Variants in PCSK6 observed in about 807,000 individuals in gnomAD.
PCSK6 encodes the protein paired basic amino acid cleaving enzyme 4.
A neutral mutation model predicts 123.3 loss-of-function variants in PCSK6; 85 were observed. That is an observed-to-expected ratio of 0.69 (90% CI 0.58 to 0.83). PCSK6 has a LOEUF of 0.83. Among genes scored for constraint, PCSK6 ranks in the 40% least tolerant of loss-of-function variants. The pLI, the probability that PCSK6 is intolerant of heterozygous loss-of-function variation, is 0.00. For synonymous variants in PCSK6, 508 were observed against 516.0 expected, an observed-to-expected ratio of 0.98 and a Z score of 0.21; for missense variants, 1,191 against 1,282.3, an observed-to-expected ratio of 0.93 and a Z score of 1.09.
At chr15:101,407,492 C>A (rs979470673) in intron 6 of PCSK6, among the ~76,000 whole-genome samples, 6 of 152,048 alleles carry the variant, frequency 3.9e-5, no homozygotes, top group African/African-American at 1.4e-4. Flanking sequence ...TGCAAGCCAA[C>A]CAATCCAGAG....
chr15:101,484,812 C>T (rs922572329), intron 1 of PCSK6, among the ~76,000 whole-genome samples: 1 of 151,658 alleles, frequency 6.6e-6, no homozygotes, highest in Non-Finnish European at 1.5e-5. Context: ...CTGGTTTATT[C>T]ATTTCTAACC....
intron 1 of PCSK6, among the ~76,000 whole-genome samples, chr15:101,477,511 A>G (rs537422311): frequency 6.6e-6 from 1 of 152,362 alleles, no homozygotes; most frequent in African/African-American, 2.4e-5. Flanking sequence ...GCACGCACAC[A>G]CTCAGACACA....
chr15:101,306,886 C>T (rs2624981), intron 21 of PCSK6, among the ~76,000 whole-genome samples: 19,275 of 152,158 alleles, frequency 0.13, 1,303 homozygotes, highest in South Asian at 0.18. Flanking sequence ...TATGGTATGT[C>T]GTCACATCCG....
chr15:101,398,531 T>C lies in PCSK6; in HGVS notation c.869A>G (p.Lys290Arg). The change falls in exon 7 of 22, where the codon AAG becomes AGG. Residue 290 changes from lysine (K) to arginine (R), a missense_variant. Lys to Arg is a conservative substitution (Grantham distance 26, BLOSUM62 2). Around this residue, in one of 3 missense-constraint regions of PCSK6, gnomAD observed 357 missense variants for 484.5 expected, o/e 0.74. Coordinates refer to ENST00000611716, the MANE Select transcript of PCSK6 (RefSeq NM_002570.5). This position sits in a 1 kb window ranked among gnomAD's most constrained non-coding sequence, Gnocchi z 4.6. ...GTAGTTGGGTCTGATGCCCAGCGAC[T>C]TTGCCTCGACCACATCTGTGACATC... is the stretch of plus-strand genomic sequence containing the variant. ...DGDVTDVVEA[K>R]SLGIRPNYID... 6 of 1,613,756 alleles carry C rather than the reference T, an allele frequency of 3.7e-6. No homozygotes were observed. The highest frequency in any genetic ancestry group is 4.2e-6 in the Non-Finnish European group (5 of 1,179,762).
At chr15:101,441,966 C>T (rs2056766001) in intron 2 of PCSK6, among the ~76,000 whole-genome samples, 1 of 152,194 alleles carries the variant, frequency 6.6e-6, no homozygotes, top group African/African-American at 2.4e-5. Context: ...GAACTCACGC[C>T]TCCTCCGGGA....
At chr15:101,319,763 C>T (rs1254092913) in intron 18 of PCSK6, among the ~76,000 whole-genome samples, 2 of 152,188 alleles carry the variant, frequency 1.3e-5, no homozygotes, top group East Asian at 3.8e-4. Flanking sequence ...GGAGGGTAGC[C>T]CAGCCCAGCC....
intron 12 of PCSK6, among the ~76,000 whole-genome samples, chr15:101,367,570 G>A (rs1596242276): frequency 6.6e-6 from 1 of 152,348 alleles, no homozygotes. Context: ...ATGCCAAGCT[G>A]AACCCAACAC....
intron 1 of PCSK6, among the ~76,000 whole-genome samples, chr15:101,484,855 A>AT (rs1218848664): frequency 1.3e-5 from 2 of 151,898 alleles, no homozygotes; most frequent in Admixed American, 1.3e-4. Flanking sequence ...GACTATTTTG[A>AT]TTTAGTTCTC....
At position 101,322,521 on chromosome 15, in the gene PCSK6, T is replaced by A; in HGVS notation, c.2464A>T (p.Ser822Cys). Residue 822 changes from serine to cysteine, a missense_variant and splice_region_variant, in exon 18 of 22, where the codon AGC becomes TGC. This residue lies in a region of PCSK6 where 630 missense variants were observed against 631.4 expected (regional missense o/e 1.00). Transcript: ENST00000611716. ...EKCTVCKEGF[S>C]LARGSCIPDC... ...CCTCAGGTTTCGAGGGGGTTTTACC[T>A]GAATCCTTCTTTACAGACAGTACAT... The A allele has an allele frequency of 6.2e-7, 1 of 1,610,708 alleles. No individual in the cohort carries two copies.
intron 19 of PCSK6, among the ~76,000 whole-genome samples, chr15:101,315,963 C>T (rs183917727): frequency 2.0e-4 from 31 of 152,346 alleles, no homozygotes; most frequent in Admixed American, 1.8e-3. Context: ...GGACAGATTC[C>T]GCCATGCCCT....
intron 8 of PCSK6, 107 bp downstream of exon 8, chr15:101,393,105 C>A (rs1011913205): frequency 1.1e-6 from 1 of 950,972 alleles, no homozygotes; most frequent in Non-Finnish European, 1.7e-6. Flanking sequence ...GGATCCGGAA[C>A]AATCTGGCCT....
chr15:101,413,267 G>C (rs1228147239), intron 6 of PCSK6, among the ~76,000 whole-genome samples: 1 of 152,028 alleles, frequency 6.6e-6, no homozygotes, highest in African/African-American at 2.4e-5. Context: ...GAGAATAATG[G>C]GATATAAAGG....
intron 19 of PCSK6, among the ~76,000 whole-genome samples, chr15:101,314,529 G>A (rs976788865): frequency 6.6e-6 from 1 of 152,230 alleles, no homozygotes; most frequent in Non-Finnish European, 1.5e-5. Flanking sequence ...TCTGGACTCA[G>A]ATGGGGCCTC....
intron 13 of PCSK6, among the ~76,000 whole-genome samples, chr15:101,343,310 G>GC (rs1468214387): frequency 6.6e-6 from 1 of 151,916 alleles, no homozygotes; most frequent in Non-Finnish European, 1.5e-5. Context: ...CCAGCTTATG[G>GC]CATTTTAATT....
At chr15:101,352,940 G>A (rs2040935649) in intron 13 of PCSK6, among the ~76,000 whole-genome samples, 1 of 152,144 alleles carries the variant, frequency 6.6e-6, no homozygotes. Context: ...CATTTCAAAT[G>A]TTCTACTGCA....
chr15:101,377,360 T>C (rs2041779600), intron 11 of PCSK6, among the ~76,000 whole-genome samples: 2 of 152,140 alleles, frequency 1.3e-5, no homozygotes, highest in African/African-American at 4.8e-5. Flanking sequence ...ATTGGCTCAG[T>C]ACCGCCTGAG....
At chr15:101,384,451 G>C (rs769339753) in intron 9 of PCSK6, 26 bp from the exon 10 acceptor site, 3 of 1,596,122 alleles carry the variant, frequency 1.9e-6, no homozygotes, top group Non-Finnish European at 2.6e-6. Context: ...ACACCCTAGA[G>C]TCCACACAGC....
intron 1 of PCSK6, among the ~76,000 whole-genome samples, chr15:101,452,228 A>G (rs1205098466): frequency 1.3e-5 from 2 of 152,218 alleles, no homozygotes; most frequent in Non-Finnish European, 2.9e-5. Flanking sequence ...TCTTCCCTTA[A>G]GTCGCCAAAC....
chr15:101,318,715 C>T (rs989028558), intron 18 of PCSK6, among the ~76,000 whole-genome samples: 17 of 152,358 alleles, frequency 1.1e-4, no homozygotes, highest in Admixed American at 3.3e-4. Flanking sequence ...CAACTCGAAT[C>T]CAAACCCCAT....
Sources: gnomAD v4.1 joint callset for allele counts (sites outside exome capture counted in the v4.1 genomes callset) on GRCh38, gnomAD v4.1.1 for gene constraint, gnomAD v4.1.1 regional missense constraint, Gnocchi (gnomAD v3.1) non-coding constraint, MANE v1.5 for transcripts, NCBI Gene and HGNC (gene_info 2026-07-23, HGNC 2026-07-21) for gene names.